The following PDZRN4 variants were observed in gnomAD, a reference collection of about 807,000 sequenced individuals.
PDZRN4 encodes PDZ domain containing ring finger 4, also known as PDZ domain-containing RING finger protein 4.
Under a neutral mutation model 99.0 loss-of-function variants are expected in PDZRN4, and 70 were observed. That is an observed-to-expected ratio of 0.71 (90% CI 0.58 to 0.86). The LOEUF (loss-of-function observed/expected upper bound fraction) is 0.86, where lower values mean the gene tolerates loss of function less well. PDZRN4 is among the 40% of genes least tolerant of loss of function. The pLI is 0.00. For missense variants in PDZRN4, 1,474 were observed against 1,331.2 expected (o/e 1.11, Z -1.67); for synonymous variants, 551 against 501.6 (o/e 1.10, Z -1.32).
At chr12:41,554,608 G>C (rs1268041694) in intron 6 of PDZRN4, among the ~76,000 whole-genome samples, 3 of 151,640 alleles carry the variant, frequency 2.0e-5, no homozygotes, top group Non-Finnish European at 2.9e-5. Context: ...CCTAAATAAA[G>C]TTTGAAGCCA....
chr12:41,305,652 A>T (rs11180733), intron 3 of PDZRN4, among the ~76,000 whole-genome samples: 3,487 of 152,042 alleles, frequency 0.023, 76 homozygotes, highest in East Asian at 0.11. Context: ...AAACCTAATT[A>T]CCTCCAAAAA....
intron 3 of PDZRN4, among the ~76,000 whole-genome samples, chr12:41,299,022 T>C (rs1464228452): frequency 6.6e-6 from 1 of 152,072 alleles, no homozygotes; most frequent in Non-Finnish European, 1.5e-5. Flanking sequence ...TTTTCTGATG[T>C]CATCCACAGA....
At chr12:41,387,212 A>G (rs1159854822) in intron 3 of PDZRN4, among the ~76,000 whole-genome samples, 1 of 152,176 alleles carries the variant, frequency 6.6e-6, no homozygotes, top group Admixed American at 6.5e-5. Flanking sequence ...TTTTCAAACT[A>G]TTCCTCTAAC....
At chr12:41,271,330 T>C (rs1386740947) in intron 3 of PDZRN4, among the ~76,000 whole-genome samples, 2 of 152,130 alleles carry the variant, frequency 1.3e-5, no homozygotes, top group African/African-American at 4.8e-5. Context: ...ACAAAAAATA[T>C]GGGTCAAGTC....
chr12:41,247,322 GC>G (rs77250369), intron 3 of PDZRN4, among the ~76,000 whole-genome samples: 2,468 of 152,268 alleles, frequency 0.016, 33 homozygotes, highest in East Asian at 0.059. Context: ...TACCTGAGGA[GC>G]TGCTAGATAG....
At chr12:41,396,448 C>G (rs944889262) in intron 3 of PDZRN4, among the ~76,000 whole-genome samples, 2 of 152,044 alleles carry the variant, frequency 1.3e-5, no homozygotes, top group African/African-American at 4.8e-5. Flanking sequence ...ACACAATTTC[C>G]GGATATCAAA....
At chr12:41,390,216 A>C (rs2121117400) in intron 3 of PDZRN4, among the ~76,000 whole-genome samples, 1 of 152,328 alleles carries the variant, frequency 6.6e-6, no homozygotes, top group South Asian at 2.1e-4. Context: ...GGAGTAATTA[A>C]GTATTACTGC....
chr12:41,201,218 T>C (rs745937427), intron 3 of PDZRN4, among the ~76,000 whole-genome samples: 14 of 151,902 alleles, frequency 9.2e-5, no homozygotes, highest in Non-Finnish European at 1.9e-4. Context: ...CCTTTTCCTA[T>C]GGACAGGCCT....
At chr12:41,502,872 A>G (rs1199399928) in intron 3 of PDZRN4, among the ~76,000 whole-genome samples, 1 of 152,148 alleles carries the variant, frequency 6.6e-6, no homozygotes, top group Non-Finnish European at 1.5e-5. Context: ...AATATCTGTT[A>G]TTGGTTTAAA....
chr12:41,297,763 T>G (rs2120923738), intron 3 of PDZRN4, among the ~76,000 whole-genome samples: 1 of 152,296 alleles, frequency 6.6e-6, no homozygotes, highest in East Asian at 1.9e-4. Context: ...TAAGCCCTTG[T>G]CCATGTGATT....
intron 5 of PDZRN4, among the ~76,000 whole-genome samples, chr12:41,522,492 CAG>C (rs1216318839): frequency 1.3e-5 from 2 of 152,092 alleles, no homozygotes; most frequent in Non-Finnish European, 2.9e-5. Context: ...AACTAATTCA[CAG>C]ACATAGATTA....
At chr12:41,404,881 C>G (rs1952333377) in intron 3 of PDZRN4, among the ~76,000 whole-genome samples, 1 of 151,972 alleles carries the variant, frequency 6.6e-6, no homozygotes. Context: ...GGGGAAAGGA[C>G]TCCCTATTCG....
chr12:41,389,002 A>C (rs1443308509), intron 3 of PDZRN4, among the ~76,000 whole-genome samples: 2 of 152,148 alleles, frequency 1.3e-5, no homozygotes, highest in Non-Finnish European at 2.9e-5. Context: ...CACTGATGAA[A>C]CTTGTCATAA....
chr12:41,263,345 G>A (rs2120837544), intron 3 of PDZRN4, among the ~76,000 whole-genome samples: 1 of 151,836 alleles, frequency 6.6e-6, no homozygotes, highest in Non-Finnish European at 1.5e-5. Flanking sequence ...TTGAGGTCAG[G>A]AGTTCAAGAC....
chr12:41,438,078 A>G (rs946754884), intron 3 of PDZRN4: 2 of 1,550,504 alleles, frequency 1.3e-6, no homozygotes, highest in African/African-American at 1.4e-5. Flanking sequence ...AAGACGGTAA[A>G]TGAATTCTGG....
chr12:41,444,433 T>C (rs2733289), intron 3 of PDZRN4, among the ~76,000 whole-genome samples: 80,018 of 151,858 alleles, frequency 0.53, 21,795 homozygotes, highest in African/African-American at 0.68. Context: ...TCTGCCCAAT[T>C]CTGGTTCCTT....
At chr12:41,323,133 C>T (rs946745157) in intron 3 of PDZRN4, among the ~76,000 whole-genome samples, 4 of 152,134 alleles carry the variant, frequency 2.6e-5, no homozygotes, top group African/African-American at 4.8e-5. Context: ...ATTGCATTTC[C>T]TTTACGCCCA....
intron 3 of PDZRN4, among the ~76,000 whole-genome samples, chr12:41,229,460 A>G (rs1485135310): frequency 6.6e-6 from 1 of 152,054 alleles, no homozygotes; most frequent in African/African-American, 2.4e-5. Context: ...TCTGCATTTC[A>G]AGTAAGCATG....
Position 41,398,989 on chromosome 12 carries a change from C to G in PDZRN4, c.844-107467C>G, listed in dbSNP as rs74077579. On this transcript the variant is annotated intron_variant, in intron 3 of 9. Coordinates refer to ENST00000402685, the MANE Select transcript of PDZRN4 (RefSeq NM_001164595.2). ...TTGTAAAACACTCTCAGCTGTAAAA[C>G]AAGCACTTGCAAAAGTATCTTTCAA... Among the ~76,000 whole-genome samples, 604 of 152,230 alleles carry G rather than the reference C, an allele frequency of 4.0e-3. 2 individuals carry two copies. The highest frequency in any genetic ancestry group is 0.014 in the African/African-American group (584 of 41,568).
Sources: allele counts gnomAD v4.1 joint callset (sites outside exome capture counted in the v4.1 genomes callset), GRCh38; gene constraint gnomAD v4.1.1; transcripts MANE v1.5; gene names NCBI Gene and HGNC (gene_info 2026-07-23, HGNC 2026-07-21).